The following ZNF26 variants were observed in gnomAD, a reference collection of about 807,000 sequenced individuals.
The protein encoded by ZNF26 is zinc finger protein 26.
A neutral mutation model predicts 54.9 loss-of-function variants in ZNF26; 32 were observed. The observed-to-expected ratio is 0.58, with a 90% CI of 0.44 to 0.78. The LOEUF is 0.78. Among genes scored for constraint, ZNF26 ranks in the 30% least tolerant of loss-of-function variants. ZNF26 has a pLI of 0.00. For synonymous variants in ZNF26, 221 were observed against 209.2 expected (o/e 1.06, Z -0.49); for missense variants, 524 against 634.0 (o/e 0.83, Z 1.86).
rs1459409725 is a variant in ZNF26, at chr12:133,012,249, C to T, written c.*768C>T. The T allele has an allele frequency of 6.6e-6, 1 of 152,176 alleles. No individual in the cohort carries two copies. The highest frequency in any genetic ancestry group is 1.9e-4 in the East Asian group (1 of 5,198). The allele number at this position is 152,176 out of a possible 1,614,324, so 9.4% of individuals were successfully genotyped here. A position where few individuals can be genotyped will look rare whatever the true frequency, so the allele number is the denominator to read the frequency against. On this transcript the variant is annotated 3_prime_UTR_variant, in exon 4 of 4. Coordinates refer to ENST00000328654, the MANE Select transcript of ZNF26 (RefSeq NM_019591.4). Reference sequence around the variant, plus strand: ...TGATTGACATGAGCACCCCTGTTTTCTCTGGAGAAATACCTCCCCTCTCTG... The same window carrying T: ...TGATTGACATGAGCACCCCTGTTTTTTCTGGAGAAATACCTCCCCTCTCTG...
Position 133,016,852 on chromosome 12 carries a change from G to A in ZNF26, c.*5371G>A, listed in dbSNP as rs1393095380. On this transcript the variant is annotated 3_prime_UTR_variant, in exon 4 of 4. Coordinates refer to ENST00000328654, the MANE Select transcript of ZNF26 (RefSeq NM_019591.4). ...GAGATACCATCATTGGAGGTTGTAA[G>A]GATGGGAATATTAGTTGAAAGTCTG... 6.6e-6 allele frequency: 1 copy of A among 152,040 alleles called. No individual in the cohort carries two copies. The highest frequency in any genetic ancestry group is 1.5e-5 in the Non-Finnish European group (1 of 68,018). 9.4% of individuals were successfully genotyped at this position (152,040 alleles called of 1,614,324 possible).
rs1182005373 is a variant in ZNF26 at position 133,010,316 on chromosome 12, T to TAAGA, written c.443_446dup (p.Asn149LysfsTer4). 6 of 1,613,894 alleles carry TAAGA rather than the reference T, an allele frequency of 3.7e-6. No individual in the cohort carries two copies. The highest frequency in any genetic ancestry group is 5.1e-6 in the Non-Finnish European group (6 of 1,180,010). On this transcript the variant is annotated frameshift_variant, in exon 4 of 4. Coordinates refer to ENST00000328654, the MANE Select transcript of ZNF26 (RefSeq NM_019591.4). LOFTEE classifies it high-confidence loss of function. The stretch of plus-strand genomic sequence containing the variant: ...AACTCAGCTCCAAGCAGAAGTTATT[T>TAAGA]AAGAAAGAATCCTGATAAGTTTCAT...
Position 133,012,604 on chromosome 12 carries a change from T to TTTTTTTTTTTTTC in ZNF26, c.*1128_*1129insTTTTTTTCTTTTT, listed in dbSNP as rs1953505751. The TTTTTTTTTTTTTC allele has an allele frequency of 2.2e-5, 3 of 137,892 alleles. No individual in the cohort carries two copies. Among genetic ancestry groups the TTTTTTTTTTTTTC allele is most frequent in the African/African-American group, 8.4e-5 (3 of 35,620 alleles). The allele number at this position is 137,892 out of a possible 1,614,324, so 8.5% of individuals were successfully genotyped here. ...TTTTTTTTTTTTTTTTTTTTTTTTT[T>TTTTTTTTTTTTTC]TTTTTGAGACTAAGTTTCACTCTTG... is the stretch of plus-strand genomic sequence containing the variant. On this transcript the variant is annotated 3_prime_UTR_variant, in exon 4 of 4. Transcript: ENST00000328654.
At position 132,993,791 on chromosome 12, in the gene ZNF26, C is replaced by A. The variant is rs1227416733; in HGVS notation, c.33+6918C>A. Among the ~76,000 whole-genome samples the A allele has an allele frequency of 9.2e-5, 14 of 152,190 alleles. No individual in the cohort carries two copies. In the East Asian group the frequency reaches 2.7e-3, roughly 29 times the overall value. ...TTTTTGCCTTTTAGTATTGCCTTGT[C>A]CCTTTACATTCATAGCTAGACATGA... On this transcript the variant is annotated intron_variant, in intron 1 of 3. Transcript: ENST00000328654.
chr12:133,008,370 C>G (rs1415411935), intron 3 of ZNF26, among the ~76,000 whole-genome samples: 4 of 152,204 alleles, frequency 2.6e-5, no homozygotes, highest in Non-Finnish European at 4.4e-5. Context: ...TCCTCCCCTT[C>G]TCTGCTCCCA....
intron 1 of ZNF26, among the ~76,000 whole-genome samples, chr12:133,004,134 G>T (rs992827473): frequency 6.6e-6 from 1 of 152,036 alleles, no homozygotes; most frequent in African/African-American, 2.4e-5. Context: ...TTCTCAGTCG[G>T]TTTTTTCTCT....
chr12:132,991,659 C>T (rs1952962133), intron 1 of ZNF26, among the ~76,000 whole-genome samples: 1 of 147,428 alleles, frequency 6.8e-6, no homozygotes, highest in African/African-American at 2.6e-5. Context: ...AAAAAAAAAC[C>T]AGGTGTGCTA....
chr12:133,005,197 G>A (rs1358530914), intron 1 of ZNF26: 1 of 151,988 alleles, frequency 6.6e-6, no homozygotes, highest in African/African-American at 2.4e-5. Flanking sequence ...ATCATTCCAG[G>A]TTTATTTATT....
intron 1 of ZNF26, chr12:133,006,705 C>T (rs1053024513): frequency 5.8e-5 from 11 of 188,408 alleles, no homozygotes; most frequent in Admixed American, 5.2e-4. Context: ...AGTGATTCTC[C>T]TGCCTCAGCC....
rs2137289498 is a variant in ZNF26 at position 133,025,102 on chromosome 12, G to T, written c.*13621G>T. 1 of 152,322 alleles carries T rather than the reference G, an allele frequency of 6.6e-6. No homozygotes were observed. Among genetic ancestry groups the T allele is most frequent in the Middle Eastern group, 3.4e-3 (1 of 294 alleles). 9.4% of individuals were successfully genotyped at this position (152,322 alleles called of 1,614,324 possible). A position where few individuals can be genotyped will look rare whatever the true frequency, so the allele number is the denominator to read the frequency against. On this transcript the variant is annotated 3_prime_UTR_variant, in exon 4 of 4. Coordinates refer to ENST00000328654, the MANE Select transcript of ZNF26 (RefSeq NM_019591.4). ...AAAGAGCCATGGAGGAGAAGTCCAA[G>T]AAAGCAGAACCAAACCCTAATCACC...
rs1953227569 is a variant in ZNF26 at position 133,001,969 on chromosome 12, C to T, written c.34-5073C>T. 6.6e-6 allele frequency among the ~76,000 whole-genome samples: 1 copy of T among 152,118 alleles called. No homozygotes were observed. Among genetic ancestry groups the T allele is most frequent in the Non-Finnish European group, 1.5e-5 (1 of 68,034 alleles). On this transcript the variant is annotated intron_variant, in intron 1 of 3. Coordinates refer to ENST00000328654, the MANE Select transcript of ZNF26 (RefSeq NM_019591.4). The surrounding 1 kb of genome is among the most constrained non-coding windows in gnomAD (Gnocchi z 4.7). ...GTTGTGTGTGGGGCACTTGCACAGTCCCCTTTTCTTAGAGCCCCTCCTGTT... is the reference window on the plus strand; with the variant it reads ...GTTGTGTGTGGGGCACTTGCACAGTTCCCTTTTCTTAGAGCCCCTCCTGTT...
At position 133,011,501 on chromosome 12, in the gene ZNF26, G is replaced by A. The variant is rs111667363; in HGVS notation, c.*20G>A. ...AAATGAGAAATCAGAATGATGCAATGTGAGAAACTGATGTTCAGGAGACTT... is the reference window on the plus strand; with the variant it reads ...AAATGAGAAATCAGAATGATGCAATATGAGAAACTGATGTTCAGGAGACTT... On this transcript the variant is annotated 3_prime_UTR_variant, in exon 4 of 4. Coordinates refer to ENST00000328654, the MANE Select transcript of ZNF26 (RefSeq NM_019591.4). 5.4e-4 allele frequency: 815 copies of A among 1,520,318 alleles called. 1 individual carries two copies. In the African/African-American group the frequency reaches 9.7e-3, roughly 18 times the overall value. 94.2% of individuals were successfully genotyped at this position (1,520,318 alleles called of 1,614,324 possible). A position where few individuals can be genotyped will look rare whatever the true frequency, so the allele number is the denominator to read the frequency against.
chr12:133,012,604 T>TTTTTTC lies in ZNF26; in HGVS notation c.*1128_*1129insCTTTTT, dbSNP rs1953505751. 2 of 137,892 alleles carry TTTTTTC rather than the reference T, an allele frequency of 1.5e-5. No individual in the cohort carries two copies. Among genetic ancestry groups the TTTTTTC allele is most frequent in the African/African-American group, 5.6e-5 (2 of 35,620 alleles). The allele number at this position is 137,892 out of a possible 1,614,324, so 8.5% of individuals were successfully genotyped here. A position where few individuals can be genotyped will look rare whatever the true frequency, so the allele number is the denominator to read the frequency against. On this transcript the variant is annotated 3_prime_UTR_variant, in exon 4 of 4. Coordinates refer to ENST00000328654, the MANE Select transcript of ZNF26 (RefSeq NM_019591.4). Reference sequence around the variant, plus strand: ...TTTTTTTTTTTTTTTTTTTTTTTTTTTTTTTGAGACTAAGTTTCACTCTTG... The same window carrying TTTTTTC: ...TTTTTTTTTTTTTTTTTTTTTTTTTTTTTTTCTTTTTGAGACTAAGTTTCACTCTTG...
At position 132,989,028 on chromosome 12, in the gene ZNF26, A is replaced by ATTTTTTTTTTTTTTTTTTTTT. The variant is rs150395603; in HGVS notation, c.33+2163_33+2183dup. Among the ~76,000 whole-genome samples, 7 of 78,826 alleles carry ATTTTTTTTTTTTTTTTTTTTT rather than the reference A, an allele frequency of 8.9e-5. 2 individuals carry two copies. Among genetic ancestry groups the ATTTTTTTTTTTTTTTTTTTTT allele is most frequent in the Non-Finnish European group, 9.1e-5 (4 of 43,930 alleles). The allele number at this position is 78,826 out of a possible 152,430, so 51.7% of individuals were successfully genotyped here. ...TGTAGTTCCAGGAGTCTTTCGGTGA[A>ATTTTTTTTTTTTTTTTTTTTT]TTTTTTTTTTTTTTTTTTTTTTTTT... is the stretch of plus-strand genomic sequence containing the variant. On this transcript the variant is annotated intron_variant, in intron 1 of 3. Transcript: ENST00000328654.
At chr12:132,992,857 G>A (rs1227174313) in intron 1 of ZNF26, among the ~76,000 whole-genome samples, 1 of 138,834 alleles carries the variant, frequency 7.2e-6, no homozygotes, top group Non-Finnish European at 1.6e-5. Flanking sequence ...GTCCATCTTG[G>A]ATATTCTGTT....
chr12:132,992,552 A>G (rs1952986569), intron 1 of ZNF26, among the ~76,000 whole-genome samples: 1 of 152,212 alleles, frequency 6.6e-6, no homozygotes, highest in South Asian at 2.1e-4. Flanking sequence ...TGTTTCATAT[A>G]TAGATGCTCC....
At position 133,016,599 on chromosome 12, in the gene ZNF26, AC is replaced by A. The variant is rs1311073404; in HGVS notation, c.*5119del. On this transcript the variant is annotated 3_prime_UTR_variant, in exon 4 of 4. Coordinates refer to ENST00000328654, the MANE Select transcript of ZNF26 (RefSeq NM_019591.4). Reference sequence around the variant, plus strand: ...CAGGAATTTGAGACCAGTCTGGACAACAAAGCAAAACCCCATCTCTGAAAAA... The same window carrying A: ...CAGGAATTTGAGACCAGTCTGGACAAAAAGCAAAACCCCATCTCTGAAAAA... 3 of 151,316 alleles carry A rather than the reference AC, an allele frequency of 2.0e-5. No individual in the cohort carries two copies. Among genetic ancestry groups the A allele is most frequent in the African/African-American group, 7.3e-5 (3 of 41,104 alleles). 9.4% of individuals were successfully genotyped at this position (151,316 alleles called of 1,614,324 possible).
In ZNF26 at chr12:133,013,746, C is replaced by G. The variant is rs1429164334; in HGVS notation, c.*2265C>G. 6.2e-6 allele frequency: 1 copy of G among 160,238 alleles called. No homozygotes were observed. Among genetic ancestry groups the G allele is most frequent in the East Asian group, 1.9e-4 (1 of 5,244 alleles). The allele number at this position is 160,238 out of a possible 1,614,324, so 9.9% of individuals were successfully genotyped here. A position where few individuals can be genotyped will look rare whatever the true frequency, so the allele number is the denominator to read the frequency against. ...TGAGGACTCAGCCTAGCAAACTCTT[C>G]TGATAGACTTTGAATAGGAGTATCT... On this transcript the variant is annotated 3_prime_UTR_variant, in exon 4 of 4. Coordinates refer to ENST00000328654, the MANE Select transcript of ZNF26 (RefSeq NM_019591.4).
chr12:133,003,842 C>T (rs1953270271), intron 1 of ZNF26, among the ~76,000 whole-genome samples: 1 of 152,054 alleles, frequency 6.6e-6, no homozygotes, highest in Non-Finnish European at 1.5e-5. Flanking sequence ...CGTGGAGGTG[C>T]CTGGGCAAGA....
Sources: gnomAD v4.1 joint callset for allele counts (sites outside exome capture counted in the v4.1 genomes callset) on GRCh38, gnomAD v4.1.1 for gene constraint, Gnocchi (gnomAD v3.1) non-coding constraint, MANE v1.5 for transcripts, NCBI Gene and HGNC (gene_info 2026-07-23, HGNC 2026-07-21) for gene names.